Variants in UNC5C observed in about 807,000 individuals in gnomAD.
The protein encoded by UNC5C is unc-5 netrin receptor C.
UNC5C carries 47 observed loss-of-function variants against 99.8 expected under a neutral mutation model. The ratio of observed to expected loss-of-function variants is 0.47; its 90% confidence interval spans 0.37 to 0.60. The LOEUF (loss-of-function observed/expected upper bound fraction) is 0.60. Ranked by LOEUF, UNC5C falls within the 20% of genes least tolerant of loss-of-function variation. UNC5C has a pLI of 0.00. For synonymous variants in UNC5C, 487 were observed against 452.2 expected, an observed-to-expected ratio of 1.08 and a Z score of -0.98; for missense variants, 1,062 against 1,165.9, an observed-to-expected ratio of 0.91 and a Z score of 1.30.
At chr4:95,330,875 T>C (rs547743172) in intron 2 of UNC5C, among the ~76,000 whole-genome samples, 4 of 152,202 alleles carry the variant, frequency 2.6e-5, no homozygotes, top group African/African-American at 9.6e-5. Flanking sequence ...GAATAGATTG[T>C]ATAGTGGTAA....
chr4:95,331,606 C>T (rs1343922527), intron 2 of UNC5C, among the ~76,000 whole-genome samples: 1 of 152,058 alleles, frequency 6.6e-6, no homozygotes, highest in African/African-American at 2.4e-5. Context: ...ACTGAATTTC[C>T]TAAATCTTCT....
chr4:95,203,729 G>A (rs745616600), intron 11 of UNC5C, among the ~76,000 whole-genome samples: 5 of 152,158 alleles, frequency 3.3e-5, no homozygotes, highest in Non-Finnish European at 7.3e-5. Flanking sequence ...CTCCCAAAGC[G>A]CTGGGATTAC....
At position 95,172,247 on chromosome 4, in the gene UNC5C, GATCCC is replaced by G. The variant is rs1182423775; in HGVS notation, c.2452-1920_2452-1916del. On this transcript the variant is annotated intron_variant, in intron 14 of 15. Coordinates refer to ENST00000453304, the MANE Select transcript of UNC5C (RefSeq NM_003728.4). ...GTGCAGAAGCTCTTTATTTTAATGA[GATCCC>G]ATTTGTCAATTTTGGCTTTGGTTGC... Among the ~76,000 whole-genome samples, 1,378 of 152,048 alleles carry G rather than the reference GATCCC, an allele frequency of 9.1e-3. 19 individuals carry two copies. Among genetic ancestry groups the G allele is most frequent in the African/African-American group, 0.031 (1,275 of 41,486 alleles).
chr4:95,412,084 A>G (rs1310905842), intron 1 of UNC5C, among the ~76,000 whole-genome samples: 1 of 151,432 alleles, frequency 6.6e-6, no homozygotes, highest in Non-Finnish European at 1.5e-5. Context: ...CCTGGTTGGC[A>G]TAGTGTCCTG....
At chr4:95,233,929 C>G (rs1271092946) in intron 7 of UNC5C, among the ~76,000 whole-genome samples, 1 of 151,648 alleles carries the variant, frequency 6.6e-6, no homozygotes, top group Non-Finnish European at 1.5e-5. Flanking sequence ...GAATGAGACT[C>G]CATCACATTT....
chr4:95,474,611 A>T (rs1220055600), intron 1 of UNC5C, among the ~76,000 whole-genome samples: 1 of 152,102 alleles, frequency 6.6e-6, no homozygotes, highest in Non-Finnish European at 1.5e-5. Flanking sequence ...ATTTTAAAAG[A>T]CACTGACTAA....
At chr4:95,171,768 T>C (rs900331323) in intron 14 of UNC5C, among the ~76,000 whole-genome samples, 1 of 151,732 alleles carries the variant, frequency 6.6e-6, no homozygotes, top group African/African-American at 2.4e-5. Flanking sequence ...ATGGGATGGC[T>C]GGGTCAAATG....
intron 1 of UNC5C, among the ~76,000 whole-genome samples, chr4:95,361,771 G>C (rs1287047204): frequency 6.6e-6 from 1 of 152,104 alleles, no homozygotes; most frequent in Non-Finnish European, 1.5e-5. Flanking sequence ...CTACTTGTAT[G>C]ATCTGTCAAA....
rs953818860 is a variant in UNC5C, at chr4:95,287,250, G to T, written c.491-8888C>A. Among the ~76,000 whole-genome samples the T allele has an allele frequency of 1.3e-5, 2 of 152,140 alleles. 1 individual carries two copies. Among genetic ancestry groups the T allele is most frequent in the Admixed American group, 1.3e-4 (2 of 15,278 alleles). ...TCCTTTACCTACTTTCAGAAGGAAT[G>T]TTAGGCCATAAATGTGGGCACTTCA... On this transcript the variant is annotated intron_variant, in intron 3 of 15. Coordinates refer to ENST00000453304, the MANE Select transcript of UNC5C (RefSeq NM_003728.4).
At chr4:95,534,524 C>A (rs1722728159) in intron 1 of UNC5C, among the ~76,000 whole-genome samples, 1 of 152,002 alleles carries the variant, frequency 6.6e-6, no homozygotes, top group Non-Finnish European at 1.5e-5. Flanking sequence ...TATTATTTTT[C>A]AAAATAAAGT....
chr4:95,210,647 A>G (rs2621452), intron 10 of UNC5C, among the ~76,000 whole-genome samples: 25,040 of 152,252 alleles, frequency 0.16, 2,741 homozygotes, highest in Middle Eastern at 0.25. Context: ...AGAAGCATCA[A>G]TTAAGTAGAA....
At chr4:95,470,016 T>C (rs1747917711) in intron 1 of UNC5C, among the ~76,000 whole-genome samples, 1 of 152,178 alleles carries the variant, frequency 6.6e-6, no homozygotes, top group Admixed American at 6.6e-5. Context: ...ATACTGCATC[T>C]TTATGTTCGT....
intron 1 of UNC5C, among the ~76,000 whole-genome samples, chr4:95,470,114 T>C (rs979143729): frequency 6.6e-6 from 1 of 152,098 alleles, no homozygotes; most frequent in African/African-American, 2.4e-5. Flanking sequence ...TTCGAATGGG[T>C]TTGTGTATAT....
At chr4:95,225,621 A>G (rs1053433412) in intron 7 of UNC5C, among the ~76,000 whole-genome samples, 4 of 152,096 alleles carry the variant, frequency 2.6e-5, no homozygotes, top group Non-Finnish European at 5.9e-5. Context: ...ACTCTAAAAT[A>G]TTAAAATATT....
At chr4:95,456,791 T>A (rs1444419140) in intron 1 of UNC5C, among the ~76,000 whole-genome samples, 3 of 152,156 alleles carry the variant, frequency 2.0e-5, no homozygotes, top group Non-Finnish European at 4.4e-5. Context: ...TGATGAGACT[T>A]ATACAAATAC....
intron 1 of UNC5C, among the ~76,000 whole-genome samples, chr4:95,494,088 T>A (rs1373890687): frequency 6.6e-6 from 1 of 151,436 alleles, no homozygotes; most frequent in Non-Finnish European, 1.5e-5. Flanking sequence ...TTAAAAATGT[T>A]CCCCAGGTTG....
chr4:95,440,276 T>C (rs185951887), intron 1 of UNC5C, among the ~76,000 whole-genome samples: 1 of 152,294 alleles, frequency 6.6e-6, no homozygotes, highest in African/African-American at 2.4e-5. Context: ...TTGTTCTGTT[T>C]GTTTCCCTAT....
intron 1 of UNC5C, among the ~76,000 whole-genome samples, chr4:95,361,856 CTT>C (rs1190319412): frequency 5.9e-5 from 9 of 152,052 alleles, no homozygotes; most frequent in Non-Finnish European, 1.3e-4. Context: ...AAAAAATAGT[CTT>C]ATGATTCTAA....
In UNC5C at chr4:95,506,635, A is replaced by G. The variant is rs1271502648; in HGVS notation, c.124+42099T>C. Among the ~76,000 whole-genome samples, 2 of 152,012 alleles carry G rather than the reference A, an allele frequency of 1.3e-5. 1 individual carries two copies. The highest frequency in any genetic ancestry group is 6.3e-3 in the Middle Eastern group (2 of 316). On this transcript the variant is annotated intron_variant, in intron 1 of 15. Coordinates refer to ENST00000453304, the MANE Select transcript of UNC5C (RefSeq NM_003728.4). ...GGAAGAAAACCCTAGCAAAATGGCT[A>G]TGTAGTCAGCCCAGACAGATGGTAA... is the stretch of plus-strand genomic sequence containing the variant.
Sources: allele counts gnomAD v4.1 joint callset (sites outside exome capture counted in the v4.1 genomes callset), GRCh38; gene constraint gnomAD v4.1.1; transcripts MANE v1.5; gene names NCBI Gene and HGNC (gene_info 2026-07-23, HGNC 2026-07-21).